Variants in UBR3 observed in about 807,000 individuals in gnomAD.
UBR3 encodes E3 ubiquitin-protein ligase UBR3.
Under a neutral mutation model 243.2 loss-of-function variants are expected in UBR3, and 85 were observed. The ratio of observed to expected loss-of-function variants is 0.35; its 90% confidence interval spans 0.29 to 0.42. The LOEUF (loss-of-function observed/expected upper bound fraction) is 0.42. Ranked by LOEUF, UBR3 falls within the 10% of genes least tolerant of loss-of-function variation. The pLI, the probability that UBR3 is intolerant of heterozygous loss-of-function variation, is 1.00. For missense variants in UBR3, 1,686 were observed against 2,300.8 expected (o/e 0.73, Z 5.47); for synonymous variants, 748 against 799.8 (o/e 0.94, Z 1.09).
chr2:169,925,698 A>G lies in UBR3; in HGVS notation c.2102A>G (p.Gln701Arg), dbSNP rs1314818699. Residue 701 changes from glutamine to arginine, a missense_variant, in exon 14 of 39, where the codon CAG (glutamine) becomes CGG (arginine). Around this residue, in one of 8 missense-constraint regions of UBR3, gnomAD observed 346 missense variants for 585.8 expected, o/e 0.59. Transcript: ENST00000272793. Reference protein sequence around the residue: ...QIKGQAMTYVQSHFCNSMIDP... With the variant: ...QIKGQAMTYVRSHFCNSMIDP... Reference sequence around the variant, plus strand: ...AAAGGACAAGCCATGACGTATGTCCAGTCTCATTTCTGTAATTCCATGATT... The same window carrying G: ...AAAGGACAAGCCATGACGTATGTCCGGTCTCATTTCTGTAATTCCATGATT... The G allele has an allele frequency of 2.7e-5, 42 of 1,550,976 alleles. No homozygotes were observed. The highest frequency in any genetic ancestry group is 3.7e-5 in the Non-Finnish European group (42 of 1,146,604).
intron 32 of UBR3, among the ~76,000 whole-genome samples, chr2:170,047,877 A>G (rs1183103733): frequency 2.6e-5 from 4 of 152,168 alleles, no homozygotes; most frequent in Admixed American, 6.5e-5. Context: ...CCCATTAGTC[A>G]TTTAGTGGCC....
rs747697130 is a variant in UBR3 at position 170,055,593 on chromosome 2, C to T, written c.4785+9C>T. 3 of 1,612,066 alleles carry T rather than the reference C, an allele frequency of 1.9e-6. No homozygotes were observed. The highest frequency in any genetic ancestry group is 2.5e-6 in the Non-Finnish European group (3 of 1,178,740). ...CGGGAGCTCTCAAAAAGGTTAGGCT[C>T]TTTCTAAATTTGTCATTTAGCAGGT... On this transcript the variant is annotated intron_variant, in intron 33 of 38. Coordinates refer to ENST00000272793, the MANE Select transcript of UBR3 (RefSeq NM_172070.4).
chr2:170,077,173 C>CA, intron 36 of UBR3: 3 of 626,950 alleles, frequency 4.8e-6, no homozygotes, highest in East Asian at 3.6e-5. Flanking sequence ...ACAGTAATGG[C>CA]AGTTTTTTCA....
chr2:169,908,911 C>T (rs893673927), intron 10 of UBR3, among the ~76,000 whole-genome samples: 1 of 150,922 alleles, frequency 6.6e-6, no homozygotes, highest in Non-Finnish European at 1.5e-5. Flanking sequence ...GCAAGCTCTG[C>T]CTCCCGGGTT....
chr2:170,002,668 T>C (rs141346764), intron 27 of UBR3, among the ~76,000 whole-genome samples: 3 of 152,180 alleles, frequency 2.0e-5, no homozygotes, highest in African/African-American at 7.2e-5. Flanking sequence ...TCAGGGGCCT[T>C]AATTCATCAG....
chr2:169,880,035 C>G (rs192625254), intron 5 of UBR3, among the ~76,000 whole-genome samples: 19 of 152,206 alleles, frequency 1.2e-4, no homozygotes, highest in African/African-American at 4.3e-4. Flanking sequence ...TAGTTTTAAA[C>G]TGCTTATTTT....
chr2:169,933,237 A>G (rs1245925152), intron 19 of UBR3, among the ~76,000 whole-genome samples: 1 of 152,214 alleles, frequency 6.6e-6, no homozygotes, highest in Non-Finnish European at 1.5e-5. Flanking sequence ...CTAAATTAAA[A>G]AACAGAAACT....
chr2:169,973,576 G>T (rs1574318025), intron 24 of UBR3, among the ~76,000 whole-genome samples: 1 of 152,146 alleles, frequency 6.6e-6, no homozygotes, highest in Admixed American at 6.5e-5. Flanking sequence ...TACTGAATTT[G>T]CTTATCAGTT....
At chr2:169,951,096 C>T (rs1161232866) in intron 23 of UBR3, among the ~76,000 whole-genome samples, 2 of 152,026 alleles carry the variant, frequency 1.3e-5, no homozygotes, top group African/African-American at 2.4e-5. Context: ...ACACATTTCC[C>T]GTTAGGGAGG....
intron 35 of UBR3, among the ~76,000 whole-genome samples, chr2:170,069,465 A>T (rs2105453510): frequency 6.6e-6 from 1 of 152,090 alleles, no homozygotes; most frequent in East Asian, 1.9e-4. Flanking sequence ...TTTAAGACCT[A>T]CTCTGTTAGC....
rs368891103 is a variant in UBR3, at chr2:169,872,956, T to C, written c.685+581T>C. The stretch of plus-strand genomic sequence containing the variant: ...TTAATCACAATCTTGATTAACATAC[T>C]TCAGTTAGGTAAATATTTGGATTTA... On this transcript the variant is annotated intron_variant, in intron 2 of 38. Coordinates refer to ENST00000272793, the MANE Select transcript of UBR3 (RefSeq NM_172070.4). 3.3e-5 allele frequency among the ~76,000 whole-genome samples: 5 copies of C among 152,266 alleles called. No homozygotes were observed. In the East Asian group the frequency reaches 7.7e-4, roughly 23 times the overall value.
intron 19 of UBR3, among the ~76,000 whole-genome samples, chr2:169,938,657 T>C (rs2086442812): frequency 1.3e-5 from 2 of 152,174 alleles, no homozygotes; most frequent in African/African-American, 4.8e-5. Context: ...GAATTCCAAT[T>C]TTTTTCTTTA....
rs199601421 is a variant in UBR3, at chr2:169,914,063, A to G, written c.1783A>G (p.Thr595Ala). 1.2e-5 allele frequency: 18 copies of G among 1,448,940 alleles called. No individual in the cohort carries two copies. The highest frequency in any genetic ancestry group is 1.6e-5 in the Non-Finnish European group (17 of 1,094,688). The allele number at this position is 1,448,940 out of a possible 1,614,324, so 89.8% of individuals were successfully genotyped here. The change falls in exon 11 of 39, where the codon ACT (threonine) becomes GCT (alanine). Residue 595 changes from threonine (T) to alanine (A), a missense_variant. Transcript: ENST00000272793. ...TATATATAACTTACTATTTTAGGAA[A>G]CTCAAGAGTATACCCGAAATGTTGT... ...GLLSHCKVRE[T>A]QEYTRNVVRY...
At chr2:169,964,881 C>A (rs969166940) in intron 24 of UBR3, 3 of 456,752 alleles carry the variant, frequency 6.6e-6, no homozygotes, top group African/African-American at 6.0e-5. Context: ...TGATTGCTAG[C>A]AAACAGAGGC....
chr2:169,832,201 C>T (rs2081961885), intron 1 of UBR3, among the ~76,000 whole-genome samples: 1 of 152,090 alleles, frequency 6.6e-6, no homozygotes, highest in African/African-American at 2.4e-5. Context: ...AGGAAGAAAA[C>T]AATTGAGGAT....
chr2:170,027,352 A>T (rs1393273319), intron 30 of UBR3, among the ~76,000 whole-genome samples: 1 of 151,490 alleles, frequency 6.6e-6, no homozygotes, highest in East Asian at 1.9e-4. Flanking sequence ...CTGGTCTATT[A>T]TATAGTAATG....
chr2:169,868,930 C>T (rs1265985577), intron 1 of UBR3, among the ~76,000 whole-genome samples: 6 of 152,166 alleles, frequency 3.9e-5, no homozygotes, highest in African/African-American at 1.4e-4. Flanking sequence ...CCTGGTACCC[C>T]TTTATTCCCC....
chr2:170,030,986 G>T (rs996617330), intron 31 of UBR3, among the ~76,000 whole-genome samples: 1 of 152,060 alleles, frequency 6.6e-6, no homozygotes, highest in African/African-American at 2.4e-5. Context: ...GGGGAGATGG[G>T]ATCTCACTTT....
At chr2:169,941,320 C>A (rs988362044) in intron 19 of UBR3, among the ~76,000 whole-genome samples, 1 of 152,106 alleles carries the variant, frequency 6.6e-6, no homozygotes, top group African/African-American at 2.4e-5. Flanking sequence ...ATGTTTTTCT[C>A]CTACAATACA....
Sources: allele counts gnomAD v4.1 joint callset (sites outside exome capture counted in the v4.1 genomes callset), GRCh38; gene constraint gnomAD v4.1.1; regional missense constraint gnomAD v4.1.1; transcripts MANE v1.5; gene names NCBI Gene and HGNC (gene_info 2026-07-23, HGNC 2026-07-21).